MORC1: variants seen among roughly 807,000 people sequenced by gnomAD.
MORC1 encodes MORC family CW-type zinc finger 1.
In MORC1, 59 loss-of-function variants were observed where a neutral mutation model predicts 134.9. That is an observed-to-expected ratio of 0.44 (90% CI 0.35 to 0.54). The LOEUF is 0.54. Ranked by LOEUF, MORC1 falls within the 20% of genes least tolerant of loss-of-function variation. MORC1 has a pLI of 0.00. For missense variants in MORC1, 947 were observed against 1,134.5 expected (o/e 0.83, Z 2.37); for synonymous variants, 395 against 391.7 (o/e 1.01, Z -0.10).
At chr3:109,012,159 G>A (rs1388801529) in intron 17 of MORC1, among the ~76,000 whole-genome samples, 1 of 152,068 alleles carries the variant, frequency 6.6e-6, no homozygotes, top group Non-Finnish European at 1.5e-5. Context: ...TATTTTGGGG[G>A]ATATATGGCT....
intron 20 of MORC1, among the ~76,000 whole-genome samples, chr3:109,004,091 G>A (rs189520543): frequency 3.3e-5 from 5 of 152,102 alleles, no homozygotes; most frequent in African/African-American, 1.2e-4. Context: ...ATAAGAATAA[G>A]AATAAGAATA....
chr3:108,971,308 G>T (rs1947371358), intron 25 of MORC1, 22 bp downstream of exon 25: 1 of 1,605,866 alleles, frequency 6.2e-7, no homozygotes, highest in African/African-American at 1.3e-5. Flanking sequence ...TTCCCTCACA[G>T]TTCCAAAAAA....
intron 7 of MORC1, among the ~76,000 whole-genome samples, chr3:109,094,664 CTCT>C (rs1950794473): frequency 6.6e-6 from 1 of 152,084 alleles, no homozygotes; most frequent in African/African-American, 2.4e-5. Flanking sequence ...CTGTATCATC[CTCT>C]TCTTACCCAG....
At chr3:109,084,022 A>G (rs1168273230) in intron 8 of MORC1, among the ~76,000 whole-genome samples, 1 of 152,158 alleles carries the variant, frequency 6.6e-6, no homozygotes, top group Non-Finnish European at 1.5e-5. Context: ...AAATAATAAA[A>G]ACTATGTATG....
intron 21 of MORC1, among the ~76,000 whole-genome samples, chr3:108,989,853 G>T (rs1463667342): frequency 3.3e-5 from 5 of 152,120 alleles, no homozygotes; most frequent in South Asian, 2.1e-4. Flanking sequence ...ACGGCGAAAA[G>T]TTCGAAGTCC....
At chr3:109,052,217 T>G (rs1218283340) in intron 14 of MORC1, among the ~76,000 whole-genome samples, 1 of 152,172 alleles carries the variant, frequency 6.6e-6, no homozygotes, top group African/African-American at 2.4e-5. Context: ...TAAGCAAACC[T>G]TGCCAAACAA....
At chr3:109,051,814 G>C (rs970942665) in intron 14 of MORC1, among the ~76,000 whole-genome samples, 2 of 152,054 alleles carry the variant, frequency 1.3e-5, no homozygotes, top group Non-Finnish European at 2.9e-5. Context: ...ATTAGGTAAG[G>C]AGTGGGGGCT....
intron 3 of MORC1, chr3:109,110,381 C>T (rs976188562): frequency 7.5e-5 from 14 of 186,140 alleles, no homozygotes; most frequent in South Asian, 2.8e-4. Context: ...CGCACATTCA[C>T]GTACACACTT....
In MORC1 at chr3:108,971,320, AC is replaced by A; in HGVS notation, c.2550+9del. On this transcript the variant is annotated intron_variant, in intron 25 of 27. Transcript: ENST00000232603. ...TCATTCCCTCACAGTTCCAAAAAAAACCAGCTTACCTCACAACTTAATGCAG... is the reference window on the plus strand; with the variant it reads ...TCATTCCCTCACAGTTCCAAAAAAAACAGCTTACCTCACAACTTAATGCAG... 1 of 1,611,982 alleles carries A rather than the reference AC, an allele frequency of 6.2e-7. No homozygotes were observed. The highest frequency in any genetic ancestry group is 8.5e-7 in the Non-Finnish European group (1 of 1,178,700).
At position 109,054,900 on chromosome 3, in the gene MORC1, T is replaced by A; in HGVS notation, c.1176-18A>T. 1 of 1,572,998 alleles carries A rather than the reference T, an allele frequency of 6.4e-7. No homozygotes were observed. The highest frequency in any genetic ancestry group is 1.2e-5 in the South Asian group (1 of 82,034). ...CGCCAAGTCTGAGAAAATATATGCA[T>A]ATTTAAATTTTGAAAATTTGGCTAA... On this transcript the variant is annotated intron_variant, in intron 13 of 27. Coordinates refer to ENST00000232603, the MANE Select transcript of MORC1 (RefSeq NM_014429.4).
At position 109,025,001 on chromosome 3, in the gene MORC1, C is replaced by G. The variant is rs117301883; in HGVS notation, c.1704+2750G>C. Among the ~76,000 whole-genome samples the G allele has an allele frequency of 2.0e-4, 31 of 152,168 alleles. 1 individual carries two copies. The East Asian group carries it at 5.8e-3, about 28-fold the overall frequency. On this transcript the variant is annotated intron_variant, in intron 17 of 27. Transcript: ENST00000232603. ...AGTTTTGACATCAGATAAATATCAC[C>G]AAAACATAGTTTCTGAACATGTTCA... is the stretch of plus-strand genomic sequence containing the variant.
intron 3 of MORC1, among the ~76,000 whole-genome samples, chr3:109,108,824 T>G (rs13080620): frequency 6.7e-6 from 1 of 150,058 alleles, no homozygotes; most frequent in Non-Finnish European, 1.5e-5. Flanking sequence ...GGTGTGAACC[T>G]GGGAGGCAGA....
At chr3:108,992,972 A>G (rs773919504) in intron 21 of MORC1, among the ~76,000 whole-genome samples, 6 of 152,216 alleles carry the variant, frequency 3.9e-5, no homozygotes, top group Admixed American at 1.3e-4. Flanking sequence ...TTTTCATTCT[A>G]TCATGAATAT....
At chr3:108,959,622 G>A (rs1339974870) in intron 27 of MORC1, among the ~76,000 whole-genome samples, 1 of 152,078 alleles carries the variant, frequency 6.6e-6, no homozygotes, top group East Asian at 1.9e-4. Flanking sequence ...TCCCTACTGA[G>A]GCGATTTCAT....
Position 108,963,530 on chromosome 3 carries a change from T to C in MORC1, c.2683A>G (p.Arg895Gly). ...LQSIIYDSNT[R>G]GIHNEISLGQ... ...AGAGAGATTTCATTATGTATTCCTCTTGTATTTGAATCATAGATAATGGAC... is the reference window on the plus strand; with the variant it reads ...AGAGAGATTTCATTATGTATTCCTCCTGTATTTGAATCATAGATAATGGAC... The change falls in exon 27 of 28, where the codon AGA becomes GGA. Residue 895 changes from arginine to glycine, a missense_variant. Physicochemically the swap from Arg to Gly is moderately radical, Grantham distance 125. This residue lies in a region of MORC1 where 722 missense variants were observed against 817.0 expected (regional missense o/e 0.88). Transcript: ENST00000232603. 1 of 1,607,416 alleles carries C rather than the reference T, an allele frequency of 6.2e-7. No individual in the cohort carries two copies. The highest frequency in any genetic ancestry group is 8.5e-7 in the Non-Finnish European group (1 of 1,175,844).
chr3:109,028,970 C>G (rs573416581), intron 16 of MORC1, among the ~76,000 whole-genome samples: 10 of 152,180 alleles, frequency 6.6e-5, no homozygotes, highest in African/African-American at 2.2e-4. Flanking sequence ...ACAAAGTCCA[C>G]AGAAAATACA....
chr3:108,993,668 T>C (rs960299588), intron 21 of MORC1, among the ~76,000 whole-genome samples: 21 of 152,218 alleles, frequency 1.4e-4, no homozygotes, highest in African/African-American at 4.6e-4. Context: ...TCTGAAATTA[T>C]GTTATTGTAC....
At chr3:109,029,565 A>C (rs1949186150) in intron 16 of MORC1, among the ~76,000 whole-genome samples, 2 of 152,160 alleles carry the variant, frequency 1.3e-5, no homozygotes, top group African/African-American at 4.8e-5. Context: ...TCTGCTGGTA[A>C]TCCCTATTTT....
chr3:109,042,900 A>G (rs2107639447), intron 14 of MORC1, among the ~76,000 whole-genome samples: 1 of 152,248 alleles, frequency 6.6e-6, no homozygotes, highest in Admixed American at 6.5e-5. Context: ...CACAGAGTAG[A>G]ATGATGGTTA....
Sources: allele counts gnomAD v4.1 joint callset (sites outside exome capture counted in the v4.1 genomes callset), GRCh38; gene constraint gnomAD v4.1.1; regional missense constraint gnomAD v4.1.1; transcripts MANE v1.5; gene names NCBI Gene and HGNC (gene_info 2026-07-23, HGNC 2026-07-21).